Variants in SNTB1 observed in about 807,000 individuals in gnomAD.
The protein encoded by SNTB1 is beta-1-syntrophin.
Under a neutral mutation model 48.9 loss-of-function variants are expected in SNTB1, and 36 were observed. The observed-to-expected ratio is 0.74, with a 90% CI of 0.56 to 0.97. SNTB1 has a LOEUF of 0.97. SNTB1 is among the 50% of genes least tolerant of loss of function. The probability of loss-of-function intolerance (pLI) is 0.00; values close to 1 mark genes in which losing one functional copy is unlikely to be tolerated. For missense variants in SNTB1, 786 were observed against 703.4 expected (o/e 1.12, Z -1.33); for synonymous variants, 299 against 294.6 (o/e 1.01, Z -0.15).
At chr8:120,748,972 C>T (rs1272836694) in intron 1 of SNTB1, among the ~76,000 whole-genome samples, 2 of 152,150 alleles carry the variant, frequency 1.3e-5, no homozygotes, top group Non-Finnish European at 2.9e-5. Flanking sequence ...GTTATTGTTA[C>T]TGATTATACA....
chr8:120,679,021 G>A (rs995434272), intron 2 of SNTB1, among the ~76,000 whole-genome samples: 1 of 152,192 alleles, frequency 6.6e-6, no homozygotes, highest in African/African-American at 2.4e-5. Flanking sequence ...CTCTCCAGGT[G>A]GTAGTAACTT....
chr8:120,632,305 GC>G, intron 3 of SNTB1, 138 bp downstream of exon 3: 2 of 821,302 alleles, frequency 2.4e-6, no homozygotes, highest in Non-Finnish European at 3.9e-6. Context: ...AAGGCCTGTA[GC>G]CTGCTGGAGA....
At chr8:120,711,705 A>G (rs977826428) in intron 1 of SNTB1, among the ~76,000 whole-genome samples, 1 of 152,194 alleles carries the variant, frequency 6.6e-6, no homozygotes, top group African/African-American at 2.4e-5. Context: ...AGACAAGCCT[A>G]CAAGTCATGC....
At chr8:120,551,688 T>C (rs1815482731) in intron 4 of SNTB1, among the ~76,000 whole-genome samples, 1 of 132,264 alleles carries the variant, frequency 7.6e-6, no homozygotes, top group African/African-American at 3.0e-5. Context: ...ATCGCACCAC[T>C]GCACTCCAGC....
At chr8:120,585,148 C>A (rs1367639166) in intron 3 of SNTB1, among the ~76,000 whole-genome samples, 2 of 152,210 alleles carry the variant, frequency 1.3e-5, no homozygotes, top group African/African-American at 4.8e-5. Flanking sequence ...CACTCTTAAT[C>A]CTTTCAGCAA....
intron 3 of SNTB1, among the ~76,000 whole-genome samples, chr8:120,581,611 A>T (rs1464013087): frequency 6.6e-6 from 1 of 151,948 alleles, no homozygotes; most frequent in Middle Eastern, 3.2e-3. Context: ...CTCAAAAAAA[A>T]GGAGAAGAGC....
At chr8:120,642,813 G>A (rs984378252) in intron 2 of SNTB1, among the ~76,000 whole-genome samples, 1 of 152,198 alleles carries the variant, frequency 6.6e-6, no homozygotes, top group African/African-American at 2.4e-5. Context: ...TCAGGAGGCT[G>A]AGGTGGGAGG....
chr8:120,744,121 A>ATTTTTTTTTTTTTTTTTTTTTTTTT lies in SNTB1; in HGVS notation c.572-50214_572-50213insAAAAAAAAAAAAAAAAAAAAAAAAA, dbSNP rs35604534. 2.4e-4 allele frequency among the ~76,000 whole-genome samples: 33 copies of ATTTTTTTTTTTTTTTTTTTTTTTTT among 136,132 alleles called. 1 individual carries two copies. The highest frequency in any genetic ancestry group is 7.7e-4 in the South Asian group (3 of 3,894). The allele number at this position is 136,132 out of a possible 152,430, so 89.3% of individuals were successfully genotyped here. A position where few individuals can be genotyped will look rare whatever the true frequency, so the allele number is the denominator to read the frequency against. On this transcript the variant is annotated intron_variant, in intron 1 of 6. Coordinates refer to ENST00000517992, the MANE Select transcript of SNTB1 (RefSeq NM_021021.4). ...CTCAAGCCTGGGTGACCCTGTCTCAATTTTTTTTTTTTTTTGCAAGGGAAT... is the reference window on the plus strand; with the variant it reads ...CTCAAGCCTGGGTGACCCTGTCTCAATTTTTTTTTTTTTTTTTTTTTTTTTTTTTTTTTTTTTTTTGCAAGGGAAT...
At chr8:120,571,767 G>A (rs142787160) in intron 4 of SNTB1, among the ~76,000 whole-genome samples, 413 of 152,184 alleles carry the variant, frequency 2.7e-3, no homozygotes, top group Non-Finnish European at 4.4e-3. Flanking sequence ...CCAGAGTGCT[G>A]GGATTACAGG....
chr8:120,785,091 C>G (rs1333804071), intron 1 of SNTB1, among the ~76,000 whole-genome samples: 1 of 152,210 alleles, frequency 6.6e-6, no homozygotes, highest in Non-Finnish European at 1.5e-5. Flanking sequence ...TTCCACCTCA[C>G]AGGGGACCTT....
chr8:120,646,086 G>C (rs1361757274), intron 2 of SNTB1, among the ~76,000 whole-genome samples: 1 of 147,688 alleles, frequency 6.8e-6, no homozygotes, highest in Non-Finnish European at 1.5e-5. Flanking sequence ...GGGTTTTCTA[G>C]ATATACAATC....
intron 3 of SNTB1, among the ~76,000 whole-genome samples, chr8:120,575,872 T>A (rs1179713443): frequency 6.6e-6 from 1 of 152,202 alleles, no homozygotes; most frequent in African/African-American, 2.4e-5. Context: ...TTGGACCAGA[T>A]GATCTCTGAA....
At chr8:120,792,106 C>T (rs1398425802) in intron 1 of SNTB1, among the ~76,000 whole-genome samples, 3 of 151,290 alleles carry the variant, frequency 2.0e-5, no homozygotes, top group African/African-American at 4.9e-5. Flanking sequence ...AAGAAGCACA[C>T]ACACACACAC....
chr8:120,621,152 G>A (rs1044065347), intron 3 of SNTB1, among the ~76,000 whole-genome samples: 3 of 152,066 alleles, frequency 2.0e-5, no homozygotes, highest in Non-Finnish European at 4.4e-5. Context: ...TAGAGACGAG[G>A]TTTCACAGTG....
chr8:120,693,814 T>G lies in SNTB1; in HGVS notation c.666A>C (p.Leu222Phe). The change falls in exon 2 of 7, where the codon TTA (leucine) becomes TTC (phenylalanine). Residue 222 changes from leucine to phenylalanine, a missense_variant. Transcript: ENST00000517992. Reference sequence around the variant, plus strand: ...ACGGGGGGTCTGAGGTGCTGCCCCCTAACCGAGGGGATTCAGGCGGAGGTG... The same window carrying G: ...ACGGGGGGTCTGAGGTGCTGCCCCCGAACCGAGGGGATTCAGGCGGAGGTG... ...WETPPPESPR[L>F]GGSTSDPPSS... The G allele has an allele frequency of 6.2e-7, 1 of 1,614,058 alleles. No homozygotes were observed. The highest frequency in any genetic ancestry group is 8.5e-7 in the Non-Finnish European group (1 of 1,179,940).
intron 1 of SNTB1, among the ~76,000 whole-genome samples, chr8:120,735,680 C>T (rs1453960465): frequency 1.3e-5 from 2 of 152,140 alleles, no homozygotes; most frequent in Admixed American, 6.5e-5. Context: ...AAATCTTGAC[C>T]TTGGACTTCT....
intron 4 of SNTB1, among the ~76,000 whole-genome samples, chr8:120,552,565 C>T (rs1043277001): frequency 1.1e-4 from 16 of 152,086 alleles, no homozygotes; most frequent in African/African-American, 3.9e-4. Context: ...GCCATGTTGG[C>T]CAGGCTGGTC....
chr8:120,667,865 GTGAGGCCCTTATGTGTGCTCTACCCAA>G (rs1354477766), intron 2 of SNTB1, among the ~76,000 whole-genome samples: 1 of 152,124 alleles, frequency 6.6e-6, no homozygotes, highest in Non-Finnish European at 1.5e-5. Flanking sequence ...TTCCATAGAG[GTGAGGCCCTTATGTGTGCTCTACCCAA>G]TGTCCCATGA....
chr8:120,762,234 C>A (rs1404540117), intron 1 of SNTB1, among the ~76,000 whole-genome samples: 1 of 152,152 alleles, frequency 6.6e-6, no homozygotes, highest in Non-Finnish European at 1.5e-5. Flanking sequence ...TGAGACACAC[C>A]AGCATTTTTA....
Sources: allele counts gnomAD v4.1 joint callset (sites outside exome capture counted in the v4.1 genomes callset), GRCh38; gene constraint gnomAD v4.1.1; transcripts MANE v1.5; gene names NCBI Gene and HGNC (gene_info 2026-07-23, HGNC 2026-07-21).